The following KALRN variants were observed in gnomAD, a reference collection of about 807,000 sequenced individuals.
KALRN encodes kalirin RhoGEF kinase, also known as kalirin.
In KALRN, 70 loss-of-function variants were observed where a neutral mutation model predicts 353.7. The observed-to-expected ratio is 0.20, with a 90% CI of 0.16 to 0.24. KALRN has a LOEUF of 0.24. Among genes scored for constraint, KALRN ranks in the 10% least tolerant of loss-of-function variants. The probability of loss-of-function intolerance (pLI) is 1.00; values close to 1 mark genes in which losing one functional copy is unlikely to be tolerated. For synonymous variants in KALRN, 1,391 were observed against 1,434.8 expected (o/e 0.97, Z 0.69); for missense variants, 2,791 against 3,756.7 (o/e 0.74, Z 6.72).
At chr3:124,683,780 A>G (rs908340896) in intron 51 of KALRN, among the ~76,000 whole-genome samples, 5 of 152,162 alleles carry the variant, frequency 3.3e-5, no homozygotes, top group Non-Finnish European at 7.3e-5. Flanking sequence ...GGAGTTAAAA[A>G]CAGTGTTGGG....
intron 33 of KALRN, among the ~76,000 whole-genome samples, chr3:124,511,716 C>T (rs2065921808): frequency 6.6e-6 from 1 of 152,194 alleles, no homozygotes; most frequent in East Asian, 1.9e-4. Context: ...TGATCAGCTT[C>T]AGTAACAGAT....
Position 124,720,710 on chromosome 3 carries a change from T to C in KALRN, c.*1240T>C, listed in dbSNP as rs1054847460. 1 of 152,360 alleles carries C rather than the reference T, an allele frequency of 6.6e-6. No homozygotes were observed. The highest frequency in any genetic ancestry group is 2.4e-5 in the African/African-American group (1 of 41,458). The allele number at this position is 152,360 out of a possible 1,614,324, so 9.4% of individuals were successfully genotyped here. On this transcript the variant is annotated 3_prime_UTR_variant, in exon 60 of 60. Coordinates refer to ENST00000682506, the MANE Select transcript of KALRN (RefSeq NM_001388419.1). ...TCTGAACTAAAAGGACTAATTGTAC[T>C]TTGAGGCCAATGCTGCTTTCTGGTG... is the stretch of plus-strand genomic sequence containing the variant.
intron 9 of KALRN, among the ~76,000 whole-genome samples, chr3:124,344,939 T>C (rs2082124349): frequency 6.6e-6 from 1 of 152,222 alleles, no homozygotes; most frequent in Non-Finnish European, 1.5e-5. Flanking sequence ...AAATCGTTTC[T>C]GGGGAGTGCA....
intron 1 of KALRN, among the ~76,000 whole-genome samples, chr3:124,109,435 C>T (rs927461947): frequency 2.6e-5 from 4 of 152,074 alleles, no homozygotes; most frequent in East Asian, 1.9e-4. Context: ...AATCCCTTCC[C>T]TATTTAATTA....
intron 49 of KALRN, chr3:124,675,234 T>G (rs1180955539): frequency 1.3e-5 from 2 of 152,184 alleles, no homozygotes; most frequent in African/African-American, 2.4e-5. Flanking sequence ...TTATTTTGGT[T>G]GCAAGACCCT....
At chr3:124,409,282 T>C (rs887877106) in intron 13 of KALRN, among the ~76,000 whole-genome samples, 1 of 152,238 alleles carries the variant, frequency 6.6e-6, no homozygotes, top group African/African-American at 2.4e-5. Context: ...TTTCATTCAC[T>C]GGCTTCAGGC....
chr3:124,666,545 G>T lies in KALRN; in HGVS notation c.6442G>T (p.Val2148Leu). 6.2e-7 allele frequency: 1 copy of T among 1,613,950 alleles called. No homozygotes were observed. Among genetic ancestry groups the T allele is most frequent in the Non-Finnish European group, 8.5e-7 (1 of 1,179,848 alleles). ...GCAGTCCCGGACCAAAGAGAGGCGC[G>T]TGTTCCTCTTCGAGCAGATTGTCAT... ...GMQSRTKERR[V>L]FLFEQIVIFS... The change falls in exon 46 of 60, where the codon GTG (valine) becomes TTG (leucine). Residue 2148 changes from valine to leucine, a missense_variant. Physicochemically the swap from Val to Leu is conservative, Grantham distance 32. Transcript: ENST00000682506.
chr3:124,518,931 C>T, intron 33 of KALRN: 1 of 999,014 alleles, frequency 1.0e-6, no homozygotes, highest in Non-Finnish European at 1.2e-6. Flanking sequence ...ACCCATCATT[C>T]TAATCTAGCT....
intron 57 of KALRN, among the ~76,000 whole-genome samples, chr3:124,707,281 C>A (rs1192503416): frequency 6.6e-6 from 1 of 152,064 alleles, no homozygotes; most frequent in South Asian, 2.1e-4. Context: ...AGGTCGAGAT[C>A]GCACCACTGC....
chr3:124,289,493 A>C (rs1169169608), intron 5 of KALRN, among the ~76,000 whole-genome samples: 1 of 150,938 alleles, frequency 6.6e-6, no homozygotes, highest in African/African-American at 2.4e-5. Flanking sequence ...TCTCTACCTA[A>C]AAAAAAAATA....
chr3:124,045,540 A>G (rs2040395530), intron 1 of KALRN, among the ~76,000 whole-genome samples: 1 of 152,208 alleles, frequency 6.6e-6, no homozygotes, highest in Admixed American at 6.5e-5. Context: ...GAGTTTTGAC[A>G]GCTAAGTATC....
chr3:124,436,555 G>A (rs1421662508), intron 17 of KALRN, among the ~76,000 whole-genome samples: 1 of 151,516 alleles, frequency 6.6e-6, no homozygotes, highest in East Asian at 2.0e-4. Context: ...TGCTAGAGAT[G>A]GGACTGGAGA....
chr3:124,676,285 C>T (rs1030490066), intron 49 of KALRN, among the ~76,000 whole-genome samples: 2 of 152,078 alleles, frequency 1.3e-5, no homozygotes, highest in Non-Finnish European at 2.9e-5. Context: ...GCCGCTCTTG[C>T]AAAAGGGTTG....
intron 51 of KALRN, among the ~76,000 whole-genome samples, chr3:124,693,095 G>A (rs924298168): frequency 2.0e-5 from 3 of 152,172 alleles, no homozygotes; most frequent in Non-Finnish European, 2.9e-5. Flanking sequence ...AGAGTTAGTC[G>A]GCTTAGTCAC....
chr3:124,405,730 A>G (rs1576643294), intron 13 of KALRN, among the ~76,000 whole-genome samples: 1 of 132,426 alleles, frequency 7.6e-6, no homozygotes, highest in South Asian at 2.5e-4. Flanking sequence ...TGCAAGCTCC[A>G]CCTCCTGGGT....
chr3:124,282,873 A>G (rs1265700003), intron 5 of KALRN, among the ~76,000 whole-genome samples: 3 of 152,206 alleles, frequency 2.0e-5, no homozygotes, highest in Non-Finnish European at 4.4e-5. Flanking sequence ...GGCTCCCTGC[A>G]TGGCCCCTTA....
At chr3:124,072,705 T>C (rs142998448) in intron 1 of KALRN, among the ~76,000 whole-genome samples, 1 of 152,344 alleles carries the variant, frequency 6.6e-6, no homozygotes, top group East Asian at 1.9e-4. Context: ...AGCAAAAGAC[T>C]CCATCAGTGT....
At chr3:124,549,320 A>AC (rs2070136878) in intron 33 of KALRN, among the ~76,000 whole-genome samples, 1 of 145,928 alleles carries the variant, frequency 6.9e-6, no homozygotes, top group African/African-American at 2.5e-5. Flanking sequence ...CCAAGAAGCC[A>AC]ACACACACAC....
rs142842214 is a variant in KALRN at position 124,678,601 on chromosome 3, G to A, written c.7317+288G>A. 1.3e-3 allele frequency: 300 copies of A among 224,838 alleles called. 1 individual carries two copies. The highest frequency in any genetic ancestry group is 3.1e-3 in the East Asian group (30 of 9,830). The allele number at this position is 224,838 out of a possible 1,614,324, so 13.9% of individuals were successfully genotyped here. On this transcript the variant is annotated intron_variant, in intron 50 of 59. Transcript: ENST00000682506. ...TTATCTGCAGCATTCTCTTAAAAAT[G>A]TGAGATGCTTGATTCATATTAAATT...
Sources: allele counts gnomAD v4.1 joint callset (sites outside exome capture counted in the v4.1 genomes callset), GRCh38; gene constraint gnomAD v4.1.1; transcripts MANE v1.5; gene names NCBI Gene and HGNC (gene_info 2026-07-23, HGNC 2026-07-21).